Variants in PRPSAP1 observed in about 807,000 individuals in gnomAD.
PRPSAP1 encodes the protein phosphoribosyl pyrophosphate synthetase associated protein 1.
Under a neutral mutation model 39.4 loss-of-function variants are expected in PRPSAP1, and 31 were observed. The observed-to-expected ratio is 0.79, with a 90% confidence interval of 0.59 to 1.06. PRPSAP1 has a LOEUF of 1.06. Among genes scored for constraint, PRPSAP1 ranks in the 50% least tolerant of loss-of-function variants. The pLI, the probability that PRPSAP1 is intolerant of heterozygous loss-of-function variation, is 0.00. For missense variants in PRPSAP1, 430 were observed against 511.6 expected, an observed-to-expected ratio of 0.84 and a Z score of 1.54; for synonymous variants, 212 against 192.6, an observed-to-expected ratio of 1.10 and a Z score of -0.83.
upstream of PRPSAP1, chr17:76,354,124 G>A: frequency 1.0e-6 from 1 of 1,003,124 alleles, no homozygotes; most frequent in Non-Finnish European, 1.2e-6. Context: ...TACCTCGGTA[G>A]TGGCCCCAGG....
At chr17:76,335,646 C>T (rs2071370114) in intron 3 of PRPSAP1, among the ~76,000 whole-genome samples, 1 of 152,100 alleles carries the variant, frequency 6.6e-6, no homozygotes, top group Admixed American at 6.6e-5. Context: ...TGTGAGCCAC[C>T]ACACCCAGGC....
In PRPSAP1 at chr17:76,311,607, T is replaced by C. The variant is rs779617414; in HGVS notation, c.1093A>G (p.Ile365Val). ...VDISLILSEA[I>V]RRIHNGESMA... ...GACTCTCCATTGTGGATTCTCCGAA[T>C]GGCTTCAGAAAGAATCAAACTGATA... The change falls in exon 10 of 10, where the codon ATT (isoleucine) becomes GTT (valine). Residue 365 changes from isoleucine to valine, a missense_variant. Physicochemically the swap from Ile to Val is conservative, Grantham distance 29. Around this residue, in one of 2 missense-constraint regions of PRPSAP1, gnomAD observed 278 missense variants for 376.3 expected, o/e 0.74. Transcript: ENST00000446526. 1.2e-6 allele frequency: 2 copies of C among 1,614,216 alleles called. No homozygotes were observed. The highest frequency in any genetic ancestry group is 1.7e-6 in the Non-Finnish European group (2 of 1,180,018).
chr17:76,310,145 T>TC lies in PRPSAP1; in HGVS notation c.*1396dup, dbSNP rs2071055112. On this transcript the variant is annotated 3_prime_UTR_variant, in exon 10 of 10. Transcript: ENST00000446526. The stretch of plus-strand genomic sequence containing the variant: ...GCTGGGATTACAGGCGTGCACCCCC[T>TC]CCCCCAACACCCGGCTAATTTTTGT... 6.6e-6 allele frequency: 1 copy of TC among 151,140 alleles called. No homozygotes were observed. The highest frequency in any genetic ancestry group is 2.1e-4 in the South Asian group (1 of 4,768). The allele number at this position is 151,140 out of a possible 1,614,324, so 9.4% of individuals were successfully genotyped here.
intron 3 of PRPSAP1, among the ~76,000 whole-genome samples, chr17:76,341,943 T>C (rs548441923): frequency 3.3e-5 from 5 of 151,762 alleles, no homozygotes; most frequent in Non-Finnish European, 5.9e-5. Context: ...CGTCTAAAAA[T>C]AAAAGATGGA....
rs557789679 is a variant in PRPSAP1, at chr17:76,312,126, A to T, written c.1000-426T>A. Among the ~76,000 whole-genome samples the T allele has an allele frequency of 3.3e-5, 5 of 152,288 alleles. No individual in the cohort carries two copies. In the South Asian group the frequency reaches 1.0e-3, roughly 32 times the overall value. On this transcript the variant is annotated intron_variant, in intron 9 of 9. Transcript: ENST00000446526. ...ATGTCTGGATAAACGCATCATTATA[A>T]GTTGAAAATATTTTAAGTAGAAAAT... is the stretch of plus-strand genomic sequence containing the variant.
chr17:76,329,538 T>C (rs1263323157), intron 6 of PRPSAP1, among the ~76,000 whole-genome samples: 1 of 152,028 alleles, frequency 6.6e-6, no homozygotes, highest in Non-Finnish European at 1.5e-5. Flanking sequence ...AGTTCAAGAC[T>C]AGTCTGATGA....
intron 9 of PRPSAP1, 62 bp from the exon 10 acceptor site, chr17:76,311,762 A>G (rs1411779017): frequency 4.5e-6 from 7 of 1,541,456 alleles, no homozygotes; most frequent in Non-Finnish European, 5.3e-6. Flanking sequence ...AGCTGGTTAC[A>G]CAGAAAAGCT....
rs965558275 is a variant in PRPSAP1, at chr17:76,353,624, G to A, written c.80C>T (p.Pro27Leu). ...FRVPRARPVP[P>L]PAMNAARTGY... is the part of the protein sequence containing the mutation. The stretch of plus-strand genomic sequence containing the variant: ...GGTGCGAGCGGCGTTCATGGCCGGC[G>A]GGGGAACGGGGCGGGCGCGCGGGAC... Residue 27 changes from proline to leucine, a missense_variant, in exon 1 of 10, where the codon CCG (proline) becomes CTG (leucine). Pro to Leu is a moderately conservative substitution (Grantham distance 98, BLOSUM62 -3). Transcript: ENST00000446526. The A allele has an allele frequency of 3.9e-6, 6 of 1,549,186 alleles. No homozygotes were observed. The highest frequency in any genetic ancestry group is 4.3e-6 in the Non-Finnish European group (5 of 1,153,408).
intron 2 of PRPSAP1, among the ~76,000 whole-genome samples, chr17:76,347,484 CAAAAAAAAAAAAAAA>C (rs71161289): frequency 1.2e-4 from 3 of 25,220 alleles, no homozygotes; most frequent in African/African-American, 3.4e-4. Flanking sequence ...AAGACTCCGT[CAAAAAAAAAAAAAAA>C]AAAAAAAAAA....
intron 8 of PRPSAP1, 68 bp from the exon 9 acceptor site, chr17:76,313,084 C>A: frequency 6.6e-7 from 1 of 1,513,248 alleles, no homozygotes; most frequent in Non-Finnish European, 8.9e-7. Context: ...AATGCACACA[C>A]CACTCTACTC....
At chr17:76,319,936 A>T (rs1003775157) in intron 7 of PRPSAP1, among the ~76,000 whole-genome samples, 4 of 152,132 alleles carry the variant, frequency 2.6e-5, no homozygotes, top group African/African-American at 9.7e-5. Context: ...GGCAGCTGCA[A>T]GGAGCTCTCT....
chr17:76,326,548 CACAA>C (rs1276724786), intron 7 of PRPSAP1, among the ~76,000 whole-genome samples: 1 of 152,142 alleles, frequency 6.6e-6, no homozygotes, highest in East Asian at 1.9e-4. Flanking sequence ...ATCCTGAGGA[CACAA>C]ACAAGCCCCA....
intron 2 of PRPSAP1, chr17:76,345,884 A>C: frequency 2.4e-6 from 1 of 418,474 alleles, no homozygotes; most frequent in Admixed American, 2.8e-5. Context: ...GATGAGGCCA[A>C]GGTGAAAGAC....
In PRPSAP1 at chr17:76,337,165, C is replaced by T. The variant is rs182072067; in HGVS notation, c.291-4730G>A. On this transcript the variant is annotated intron_variant, in intron 3 of 9. Transcript: ENST00000446526. ...TACTCCTGGGCTCAGGCAATCCTCC[C>T]GCCTTGGCCTCCCAAAGTGCTGGGA... is the stretch of plus-strand genomic sequence containing the variant. 5.9e-5 allele frequency among the ~76,000 whole-genome samples: 9 copies of T among 152,196 alleles called. No individual in the cohort carries two copies. In the East Asian group the frequency reaches 1.5e-3, roughly 26 times the overall value.
rs748270957 is a variant in PRPSAP1, at chr17:76,353,770, G to A, written c.-67C>T. On this transcript the variant is annotated 5_prime_UTR_variant, in exon 1 of 10. Transcript: ENST00000446526. ...CTGCACTCTGAGTGCTTCCGACTGC[G>A]AGACCCCGGTTTGGGTGGGGAAGGC... 4.3e-5 allele frequency: 60 copies of A among 1,395,564 alleles called. No homozygotes were observed. The highest frequency in any genetic ancestry group is 6.8e-5 in the Admixed American group (2 of 29,580). The allele number at this position is 1,395,564 out of a possible 1,614,324, so 86.4% of individuals were successfully genotyped here. A position where few individuals can be genotyped will look rare whatever the true frequency, so the allele number is the denominator to read the frequency against.
chr17:76,339,588 C>T (rs1385206544), intron 3 of PRPSAP1, among the ~76,000 whole-genome samples: 1 of 151,676 alleles, frequency 6.6e-6, no homozygotes, highest in Non-Finnish European at 1.5e-5. Context: ...CTTTGATGCT[C>T]TTAAACTGAA....
At chr17:76,329,368 T>C (rs1010878944) in intron 6 of PRPSAP1, among the ~76,000 whole-genome samples, 1 of 152,100 alleles carries the variant, frequency 6.6e-6, no homozygotes, top group Non-Finnish European at 1.5e-5. Context: ...CTGGCCCTGA[T>C]TCTAGATAAT....
intron 4 of PRPSAP1, among the ~76,000 whole-genome samples, chr17:76,331,801 GC>G (rs1339736228): frequency 2.6e-5 from 4 of 152,060 alleles, no homozygotes; most frequent in African/African-American, 9.7e-5. Context: ...CAGAAAGCGT[GC>G]CCCCGCCACA....
intron 3 of PRPSAP1, among the ~76,000 whole-genome samples, 174 bp downstream of exon 3, chr17:76,344,497 C>T (rs1293032300): frequency 6.6e-6 from 1 of 152,210 alleles, no homozygotes; most frequent in Non-Finnish European, 1.5e-5. Flanking sequence ...GAACTCCTGA[C>T]CTCGTGATCC....
Sources: allele counts gnomAD v4.1 joint callset (sites outside exome capture counted in the v4.1 genomes callset), GRCh38; gene constraint gnomAD v4.1.1; regional missense constraint gnomAD v4.1.1; transcripts MANE v1.5; gene names NCBI Gene and HGNC (gene_info 2026-07-23, HGNC 2026-07-21).